KIAA1671: variants seen among roughly 807,000 people sequenced by gnomAD.
KIAA1671 encodes uncharacterized protein KIAA1671.
A neutral mutation model predicts 131.2 loss-of-function variants in KIAA1671; 52 were observed. That is an observed-to-expected ratio of 0.40 (90% CI 0.32 to 0.50). The LOEUF (loss-of-function observed/expected upper bound fraction) is 0.50, where lower values mean the gene tolerates loss of function less well. Ranked by LOEUF, KIAA1671 falls within the 20% of genes least tolerant of loss-of-function variation. The probability of loss-of-function intolerance (pLI) is 0.73; values close to 1 mark genes in which losing one functional copy is unlikely to be tolerated. For missense variants in KIAA1671, 2,360 were observed against 2,364.2 expected, an observed-to-expected ratio of 1.00 and a Z score of 0.04; for synonymous variants, 1,003 against 961.6, an observed-to-expected ratio of 1.04 and a Z score of -0.80.
Position 25,041,504 on chromosome 22 carries a change from A to G in KIAA1671, c.4374A>G (p.Ser1458=), listed in dbSNP as rs1926921685. The G allele has an allele frequency of 7.1e-6, 11 of 1,545,800 alleles. No individual in the cohort carries two copies. Among genetic ancestry groups the G allele is most frequent in the Non-Finnish European group, 9.6e-6 (11 of 1,145,112 alleles). Residue 1458 remains serine (S), a synonymous_variant, in exon 5 of 13, where the codon TCA becomes TCG. Transcript: ENST00000358431. ...AAATGGGACCCTGTTGGTGGGAGTC[A>G]GGGACTGGAGACAGTCACAAGGTAA... ...EAKMGPCWWE[S]GTGDSHKVLP...
At chr22:25,022,203 C>T (rs1925711686) in intron 1 of KIAA1671, among the ~76,000 whole-genome samples, 9 of 152,162 alleles carry the variant, frequency 5.9e-5, no homozygotes, top group Admixed American at 4.6e-4. Flanking sequence ...GTGGCATTCC[C>T]AGGAGGTGGC....
At chr22:25,130,174 C>T (rs1439955247) in intron 6 of KIAA1671, among the ~76,000 whole-genome samples, 1 of 151,236 alleles carries the variant, frequency 6.6e-6, no homozygotes, top group African/African-American at 2.5e-5. Flanking sequence ...AACTGTTATA[C>T]ATAAATATTT....
At chr22:25,089,337 C>T (rs375314348) in intron 6 of KIAA1671, among the ~76,000 whole-genome samples, 11 of 143,482 alleles carry the variant, frequency 7.7e-5, no homozygotes, top group Non-Finnish European at 1.5e-4. Flanking sequence ...TGCAGTGGCG[C>T]GATCTCGGCT....
chr22:25,067,126 C>T (rs1186815465), intron 6 of KIAA1671, among the ~76,000 whole-genome samples: 1 of 152,038 alleles, frequency 6.6e-6, no homozygotes, highest in Non-Finnish European at 1.5e-5. Context: ...GGGGGTGTGC[C>T]CTGGTGCGTC....
At chr22:25,108,737 C>G (rs913115893) in intron 6 of KIAA1671, among the ~76,000 whole-genome samples, 12 of 152,186 alleles carry the variant, frequency 7.9e-5, no homozygotes, top group Non-Finnish European at 1.5e-5. Flanking sequence ...TTCTCATGGA[C>G]CAGTTACCTA....
chr22:25,120,746 C>T (rs1286817725), intron 6 of KIAA1671, among the ~76,000 whole-genome samples: 6 of 152,214 alleles, frequency 3.9e-5, no homozygotes, highest in Admixed American at 6.5e-5. Context: ...AATTGCCAAC[C>T]CTCTTTCTCT....
chr22:24,987,173 T>TA (rs202122246), intron 1 of KIAA1671, among the ~76,000 whole-genome samples: 1,955 of 140,960 alleles, frequency 0.014, 46 homozygotes, highest in African/African-American at 0.048. Flanking sequence ...TTATTATTAT[T>TA]TTTTTTTTTT....
chr22:25,033,907 A>G (rs1926441826), intron 4 of KIAA1671, among the ~76,000 whole-genome samples: 1 of 151,862 alleles, frequency 6.6e-6, no homozygotes, highest in Admixed American at 6.6e-5. Context: ...GCTTTGAGAT[A>G]CAATTGACAT....
At chr22:25,055,867 G>T (rs913748792) in intron 6 of KIAA1671, 1 of 149,248 alleles carries the variant, frequency 6.7e-6, no homozygotes, top group African/African-American at 2.4e-5. Flanking sequence ...GAGAGAGACA[G>T]GCAAACAGAC....
At position 24,997,092 on chromosome 22, in the gene KIAA1671, A is replaced by G. The variant is rs12166775; in HGVS notation, c.-207-28541A>G. On this transcript the variant is annotated intron_variant, in intron 1 of 12. Transcript: ENST00000358431. ...CATGTAAACATTGATTTGCTTCAGC[A>G]AATGTTTATTGTGTACCCATCACAT... Among the ~76,000 whole-genome samples, 638 of 152,342 alleles carry G rather than the reference A, an allele frequency of 4.2e-3. 7 individuals are homozygous for G. The highest frequency in any genetic ancestry group is 0.014 in the African/African-American group (602 of 41,568).
chr22:25,112,099 A>G (rs1931391109), intron 6 of KIAA1671: 1 of 398,128 alleles, frequency 2.5e-6, no homozygotes, highest in Non-Finnish European at 4.4e-6. Flanking sequence ...AAAGAGTCCA[A>G]AGAGGCAAGA....
intron 6 of KIAA1671, among the ~76,000 whole-genome samples, chr22:25,091,618 C>T (rs1025465182): frequency 1.3e-5 from 2 of 152,274 alleles, no homozygotes. Context: ...AAAACTAAAG[C>T]GAGGCGGAAC....
At chr22:25,083,528 G>C (rs534685155) in intron 6 of KIAA1671, among the ~76,000 whole-genome samples, 32 of 152,176 alleles carry the variant, frequency 2.1e-4, no homozygotes, top group Non-Finnish European at 3.8e-4. Flanking sequence ...GGGAGGCACT[G>C]TTATTATGTG....
At chr22:25,153,248 G>A (rs1933108522) in intron 6 of KIAA1671, among the ~76,000 whole-genome samples, 1 of 152,192 alleles carries the variant, frequency 6.6e-6, no homozygotes, top group South Asian at 2.1e-4. Context: ...CCCGCTTGGG[G>A]ATAATACCAC....
intron 6 of KIAA1671, among the ~76,000 whole-genome samples, chr22:25,163,352 T>C (rs868764156): frequency 2.7e-5 from 4 of 146,356 alleles, no homozygotes; most frequent in African/African-American, 1.0e-4. Context: ...TTTTTTTTTT[T>C]TTTTTTTTTT....
At chr22:24,973,467 C>T (rs990877617) in intron 1 of KIAA1671, among the ~76,000 whole-genome samples, 2 of 130,472 alleles carry the variant, frequency 1.5e-5, no homozygotes, top group East Asian at 4.4e-4. Flanking sequence ...GGCGTGATCT[C>T]GGCTCACTGC....
In KIAA1671 at chr22:25,073,881, A is replaced by T. The variant is rs538284416; in HGVS notation, c.4530+24517A>T. Among the ~76,000 whole-genome samples the T allele has an allele frequency of 4.6e-5, 7 of 152,256 alleles. No individual in the cohort carries two copies. The East Asian group carries it at 1.4e-3, about 30-fold the overall frequency. ...GCTAATTTTTGTATTTTTAATAGGG[A>T]CGGGGTTTCACCATATTGGTCAGGC... On this transcript the variant is annotated intron_variant, in intron 6 of 12. Transcript: ENST00000358431.
At chr22:25,107,475 T>TTC (rs1931075119) in intron 6 of KIAA1671, among the ~76,000 whole-genome samples, 1 of 136,140 alleles carries the variant, frequency 7.3e-6, no homozygotes, top group Non-Finnish European at 1.6e-5. Context: ...GGCACTTTTT[T>TTC]TTTTTTTTTT....
chr22:25,179,568 C>A, intron 9 of KIAA1671: 1 of 1,502,406 alleles, frequency 6.7e-7, no homozygotes, highest in Middle Eastern at 1.9e-4. Context: ...GGGAAGGGAA[C>A]GGAGCCGCTT....
Sources: gnomAD v4.1 joint callset for allele counts (sites outside exome capture counted in the v4.1 genomes callset) on GRCh38, gnomAD v4.1.1 for gene constraint, MANE v1.5 for transcripts, NCBI Gene and HGNC (gene_info 2026-07-23, HGNC 2026-07-21) for gene names.